Variants in PUDP observed in about 807,000 individuals in gnomAD.
The protein encoded by PUDP is pseudouridine 5'-phosphatase, also known as pseudouridine-5'-phosphatase.
PUDP carries 8 observed loss-of-function variants against 9.4 expected under a neutral mutation model. The observed-to-expected ratio is 0.85, with a 90% confidence interval of 0.50 to 1.53. PUDP has a LOEUF of 1.53. Ranked by LOEUF, PUDP falls within the 40% of genes most tolerant of loss-of-function variation. The probability of loss-of-function intolerance (pLI) is 0.00; values close to 1 mark genes in which losing one functional copy is unlikely to be tolerated. For missense variants in PUDP, 188 were observed against 189.7 expected, an observed-to-expected ratio of 0.99 and a Z score of 0.05; for synonymous variants, 99 against 80.7, an observed-to-expected ratio of 1.23 and a Z score of -1.22.
chrX:6,976,309 G>C (rs1928955109), intron 3 of PUDP, among the ~76,000 whole-genome samples: 1 of 111,809 alleles, frequency 8.9e-6, no homozygotes, highest in South Asian at 3.7e-4. Context: ...TTTTGTGCTT[G>C]AAACCCAGGG....
intron 1 of PUDP, among the ~76,000 whole-genome samples, chrX:6,982,446 G>A (rs977050457): frequency 1.8e-5 from 2 of 110,886 alleles, no homozygotes; most frequent in African/African-American, 6.6e-5. Context: ...ATAGGGGTGT[G>A]GTAAGTGGTC....
chrX:6,803,048 TATAAAATAAAATATAAAATAAA>T (rs1925983698), intron 3 of PUDP, among the ~76,000 whole-genome samples: 2 of 7,088 alleles, frequency 2.8e-4, no homozygotes, highest in African/African-American at 1.3e-3. Context: ...TAAAATAAAA[TATAAAATAAAATATAAAATAAA>T]ATAAAATAAA....
At chrX:6,810,313 G>A (rs1049715574) in intron 3 of PUDP, among the ~76,000 whole-genome samples, 6 of 111,492 alleles carry the variant, frequency 5.4e-5, no homozygotes, top group Admixed American at 1.9e-4. Context: ...AAGAAAGCAC[G>A]AGATCTCCGC....
At chrX:7,099,642 G>A (rs1031023939) in intron 2 of PUDP, among the ~76,000 whole-genome samples, 1 of 111,955 alleles carries the variant, frequency 8.9e-6, no homozygotes. Flanking sequence ...ACTCTGCCTC[G>A]TCTTTCAAGT....
chrX:6,836,900 G>A (rs2057815617), intron 3 of PUDP, among the ~76,000 whole-genome samples: 1 of 112,173 alleles, frequency 8.9e-6, no homozygotes, highest in African/African-American at 3.2e-5. Flanking sequence ...GAGAAGACAT[G>A]AAAGCCCAAA....
chrX:7,114,977 G>T (rs1035718185), intron 1 of PUDP, among the ~76,000 whole-genome samples: 5 of 112,219 alleles, frequency 4.5e-5, no homozygotes, highest in Non-Finnish European at 9.4e-5. Flanking sequence ...ATGAAAGAGA[G>T]ATTTAAAAAT....
chrX:6,913,222 G>A (rs147919659), intron 3 of PUDP, among the ~76,000 whole-genome samples: 1,864 of 111,656 alleles, frequency 0.017, 41 homozygotes, highest in African/African-American at 0.056. Context: ...TAGATTATTA[G>A]TGACTCTCTC....
At chrX:6,754,005 T>C (rs1925139949) in intron 3 of PUDP, among the ~76,000 whole-genome samples, 1 of 112,124 alleles carries the variant, frequency 8.9e-6, no homozygotes, top group Non-Finnish European at 1.9e-5. Flanking sequence ...TTTATCTTTG[T>C]TTTTATTGCA....
chrX:7,009,914 T>C (rs980092624), intron 1 of PUDP, among the ~76,000 whole-genome samples: 2 of 111,860 alleles, frequency 1.8e-5, no homozygotes, highest in Non-Finnish European at 3.8e-5. Flanking sequence ...AAGAATTGTG[T>C]CCTTGGATGT....
intron 3 of PUDP, among the ~76,000 whole-genome samples, chrX:6,823,117 C>G (rs953893478): frequency 1.5e-4 from 17 of 111,408 alleles, no homozygotes; most frequent in African/African-American, 4.9e-4. Flanking sequence ...GGTGAGGTTG[C>G]AGTGAGCCAT....
chrX:6,900,542 G>A (rs1278585906), intron 3 of PUDP, among the ~76,000 whole-genome samples: 2 of 107,708 alleles, frequency 1.9e-5, no homozygotes, highest in Non-Finnish European at 3.8e-5. Context: ...AGAGGGAGAC[G>A]GAGAGGGAGA....
intron 1 of PUDP, among the ~76,000 whole-genome samples, chrX:6,990,548 C>CT (rs777525470): frequency 8.9e-6 from 1 of 112,391 alleles, no homozygotes; most frequent in African/African-American, 3.2e-5. Context: ...CAAAAGTACT[C>CT]TTTTTGGCTG....
rs1027974901 is a variant in PUDP, at chrX:6,980,666, TA to T, written c.205-2324del. On this transcript the variant is annotated intron_variant and NMD_transcript_variant, in intron 1 of 3. Transcript: ENST00000655425. ...GATTCAACCAACTATGGATGAAAATTAAAAAAAAAAAAACAACAAGAATGAT... is the reference window on the plus strand; with the variant it reads ...GATTCAACCAACTATGGATGAAAATTAAAAAAAAAAAACAACAAGAATGAT... 3.7e-3 allele frequency among the ~76,000 whole-genome samples: 371 copies of T among 100,318 alleles called. 3 individuals are homozygous for T. Among genetic ancestry groups the T allele is most frequent in the African/African-American group, 0.011 (313 of 27,766 alleles). 87.1% of individuals were successfully genotyped at this position (100,318 alleles called of 115,157 possible).
intron 3 of PUDP, among the ~76,000 whole-genome samples, chrX:6,838,056 C>T (rs762131217): frequency 1.2e-4 from 13 of 112,066 alleles, no homozygotes; most frequent in African/African-American, 4.2e-4. Context: ...ATCCACTACC[C>T]TGTTGCCAGA....
intron 2 of PUDP, among the ~76,000 whole-genome samples, chrX:7,097,767 A>G (rs1240451936): frequency 9.0e-6 from 1 of 111,473 alleles, no homozygotes; most frequent in Non-Finnish European, 1.9e-5. Context: ...AGATGCTCCT[A>G]ATGGAAAGGG....
chrX:6,826,857 A>G (rs1926430295), intron 3 of PUDP, among the ~76,000 whole-genome samples: 1 of 111,861 alleles, frequency 8.9e-6, no homozygotes, highest in South Asian at 3.7e-4. Flanking sequence ...CAGATTGACC[A>G]TAAACTCCTG....
chrX:7,129,279 T>C (rs1932559899), intron 1 of PUDP, among the ~76,000 whole-genome samples: 1 of 112,402 alleles, frequency 8.9e-6, no homozygotes, highest in Admixed American at 9.4e-5. Context: ...CTGCACTATA[T>C]AGAAAATGAG....
At chrX:7,020,898 T>G (rs761407699) in intron 1 of PUDP, among the ~76,000 whole-genome samples, 2 of 112,494 alleles carry the variant, frequency 1.8e-5, no homozygotes, top group East Asian at 5.6e-4. Flanking sequence ...TATTAGCAAT[T>G]GGATGTGGGA....
chrX:6,874,135 TA>T (rs34723688), intron 3 of PUDP, among the ~76,000 whole-genome samples: 44,249 of 104,745 alleles, frequency 0.42, 8,425 homozygotes, highest in Non-Finnish European at 0.57. Context: ...CCCCATCTCT[TA>T]AAAAAAAAAG....
Sources: allele counts gnomAD v4.1 joint callset (sites outside exome capture counted in the v4.1 genomes callset), GRCh38; gene constraint gnomAD v4.1.1; transcripts MANE v1.5; gene names NCBI Gene and HGNC (gene_info 2026-07-23, HGNC 2026-07-21).